CPNE5: variants seen among roughly 807,000 people sequenced by gnomAD.
The protein encoded by CPNE5 is copine-5.
Under a neutral mutation model 81.1 loss-of-function variants are expected in CPNE5, and 42 were observed. The ratio of observed to expected loss-of-function variants is 0.52; its 90% CI spans 0.40 to 0.67. The LOEUF is 0.67. Among genes scored for constraint, CPNE5 ranks in the 30% least tolerant of loss-of-function variants. The probability of loss-of-function intolerance (pLI) is 0.00; values close to 1 mark genes in which losing one functional copy is unlikely to be tolerated. For synonymous variants in CPNE5, 313 were observed against 321.5 expected, an observed-to-expected ratio of 0.97 and a Z score of 0.28; for missense variants, 612 against 815.5, an observed-to-expected ratio of 0.75 and a Z score of 3.04.
intron 1 of CPNE5, among the ~76,000 whole-genome samples, 181 bp from the exon 2 acceptor site, chr6:36,823,279 C>T (rs1392946059): frequency 6.6e-6 from 1 of 152,138 alleles, no homozygotes; most frequent in Non-Finnish European, 1.5e-5. Context: ...GGAGGTTCCT[C>T]AGCCCACCTG....
rs1038929695 is a variant in CPNE5 at position 36,788,343 on chromosome 6, A to T, written c.528+3690T>A. On this transcript the variant is annotated intron_variant, in intron 8 of 20. Coordinates refer to ENST00000244751, the MANE Select transcript of CPNE5 (RefSeq NM_020939.2). ...ATTATAGGCGTGAACCCCAACCTCC[A>T]CTGCTCAAAGCCACCCTGCCTGCTG... Among the ~76,000 whole-genome samples, 87 of 151,996 alleles carry T rather than the reference A, an allele frequency of 5.7e-4. 3 individuals carry two copies. The highest frequency in any genetic ancestry group is 2.9e-5 in the Non-Finnish European group (2 of 68,012).
In CPNE5 at chr6:36,762,650, C is replaced by T. The variant is rs373158502; in HGVS notation, c.855+267G>A. 2.6e-5 allele frequency among the ~76,000 whole-genome samples: 4 copies of T among 152,278 alleles called. No individual in the cohort carries two copies. The South Asian group carries it at 6.2e-4, about 24-fold the overall frequency. ...ATCTCTCTTGCTTGTGAGAACTGCT[C>T]TTTATGGGGACACTATAACTCGGTG... On this transcript the variant is annotated intron_variant, in intron 12 of 20. Coordinates refer to ENST00000244751, the MANE Select transcript of CPNE5 (RefSeq NM_020939.2).
intron 12 of CPNE5, among the ~76,000 whole-genome samples, chr6:36,759,119 C>T (rs552626220): frequency 6.6e-6 from 1 of 152,338 alleles, no homozygotes; most frequent in Admixed American, 6.5e-5. Context: ...GGAGAATGAA[C>T]CCGGAGTCCT....
chr6:36,788,464 G>A (rs988822241), intron 8 of CPNE5, among the ~76,000 whole-genome samples: 1 of 152,116 alleles, frequency 6.6e-6, no homozygotes, highest in African/African-American at 2.4e-5. Flanking sequence ...TGAGGATTAG[G>A]AGTTCCAAGG....
chr6:36,775,036 A>G lies in CPNE5; in HGVS notation c.662T>C (p.Met221Thr), dbSNP rs752078476. Residue 221 changes from methionine (M) to threonine (T), a missense_variant, in exon 10 of 21, where the codon ATG (methionine) becomes ACG (threonine). Physicochemically the swap from Met to Thr is moderately conservative, Grantham distance 81. Transcript: ENST00000244751. ...TFTICHKTEVMKNTLNPVWQT... is the reference protein window; with the variant it reads ...TFTICHKTEVTKNTLNPVWQT... The stretch of plus-strand genomic sequence containing the variant: ...CCAGACTGGATTTAGGGTGTTCTTC[A>G]TGACCTCGGTCTTGTGGCAAATGGT... The G allele has an allele frequency of 6.8e-6, 11 of 1,614,176 alleles. No homozygotes were observed. Among genetic ancestry groups the G allele is most frequent in the Middle Eastern group, 1.6e-4 (1 of 6,062 alleles).
In CPNE5 at chr6:36,839,182, C is replaced by G. The variant is rs376782891; in HGVS notation, c.95+101G>C. On this transcript the variant is annotated intron_variant, in intron 1 of 20. Transcript: ENST00000244751. The surrounding 1 kb of genome is among the most constrained non-coding windows in gnomAD (Gnocchi z 7.3). ...GCGCAGTCCTGGAGACCAGGACACT[C>G]TGGGAAGGGGGCGCGCGGAGGTTTA... is the stretch of plus-strand genomic sequence containing the variant. 1.2e-3 allele frequency: 1,062 copies of G among 858,946 alleles called. 7 individuals are homozygous for G. The highest frequency in any genetic ancestry group is 0.012 in the African/African-American group (671 of 57,868). 53.2% of individuals were successfully genotyped at this position (858,946 alleles called of 1,614,324 possible).
chr6:36,779,899 T>C (rs1377955986), intron 8 of CPNE5, among the ~76,000 whole-genome samples: 1 of 151,962 alleles, frequency 6.6e-6, no homozygotes, highest in African/African-American at 2.4e-5. Flanking sequence ...CTCAGGGCTC[T>C]GTCGTCCAGA....
intron 14 of CPNE5, among the ~76,000 whole-genome samples, chr6:36,751,279 C>T (rs1407511380): frequency 1.3e-5 from 2 of 152,226 alleles, no homozygotes; most frequent in Admixed American, 6.5e-5. Flanking sequence ...CCCTTTAACT[C>T]ATCAGTCTCC....
chr6:36,815,847 G>T (rs1208394891), intron 3 of CPNE5, among the ~76,000 whole-genome samples: 1 of 152,202 alleles, frequency 6.6e-6, no homozygotes, highest in African/African-American at 2.4e-5. Context: ...GGTGGCTGGG[G>T]CCAATGACTG....
intron 11 of CPNE5, 110 bp downstream of exon 11, chr6:36,765,225 C>T: frequency 8.3e-7 from 1 of 1,209,956 alleles, no homozygotes; most frequent in Non-Finnish European, 1.2e-6. Flanking sequence ...CCCTCACCCC[C>T]AGAGCCACTG....
At chr6:36,834,233 T>TGGGCAACA (rs142248958) in intron 1 of CPNE5, among the ~76,000 whole-genome samples, 23,721 of 105,084 alleles carry the variant, frequency 0.23, 3,093 homozygotes, top group East Asian at 0.37. Context: ...CATTCCAGCT[T>TGGGCAACA]GGGCAACAGA....
At position 36,779,023 on chromosome 6, in the gene CPNE5, G is replaced by A. The variant is rs972097506; in HGVS notation, c.529-66C>T. The A allele has an allele frequency of 5.0e-5, 56 of 1,124,990 alleles. No individual in the cohort carries two copies. The East Asian group carries it at 5.3e-4, about 11-fold the overall frequency. 69.7% of individuals were successfully genotyped at this position (1,124,990 alleles called of 1,614,324 possible). On this transcript the variant is annotated intron_variant, in intron 8 of 20. Transcript: ENST00000244751. ...AGTGGAAGCACAGCTCCCAGACCCC[G>A]GCAAGCATGAGGAGTCCAGGCACCA... is the stretch of plus-strand genomic sequence containing the variant.
intron 12 of CPNE5, among the ~76,000 whole-genome samples, chr6:36,758,073 C>T (rs1397375007): frequency 1.3e-5 from 2 of 152,118 alleles, no homozygotes; most frequent in African/African-American, 2.4e-5. Context: ...GGAGGAGGCT[C>T]ATCCAGGAAA....
At chr6:36,800,895 C>T (rs968611187) in intron 3 of CPNE5, among the ~76,000 whole-genome samples, 16 of 152,168 alleles carry the variant, frequency 1.1e-4, no homozygotes, top group East Asian at 5.8e-4. Context: ...TCTGCCCATC[C>T]GTAAGAATTG....
In CPNE5 at chr6:36,766,279, T is replaced by A. The variant is rs1323075861; in HGVS notation, c.738-903A>T. ...TTAACATCCCATCATCTCGCCCATC[T>A]CCTCGGGCCTGCCAGGAGTCAGCCT... On this transcript the variant is annotated intron_variant, in intron 10 of 20. Transcript: ENST00000244751. This position sits in a 1 kb window ranked among gnomAD's most constrained non-coding sequence, Gnocchi z 4.2. 1.3e-5 allele frequency among the ~76,000 whole-genome samples: 2 copies of A among 152,154 alleles called. No homozygotes were observed.
At chr6:36,831,362 A>AT (rs978536597) in intron 1 of CPNE5, among the ~76,000 whole-genome samples, 1 of 144,414 alleles carries the variant, frequency 6.9e-6, no homozygotes, top group African/African-American at 2.6e-5. Context: ...GACTCTTTTT[A>AT]TTTTTTATTT....
At chr6:36,808,738 C>T (rs925569003) in intron 3 of CPNE5, among the ~76,000 whole-genome samples, 1 of 152,192 alleles carries the variant, frequency 6.6e-6, no homozygotes, top group Non-Finnish European at 1.5e-5. Flanking sequence ...CCTCACAGAG[C>T]CCTACTGCGT....
intron 12 of CPNE5, among the ~76,000 whole-genome samples, chr6:36,762,304 G>GCACA (rs60481458): frequency 0.015 from 2,196 of 146,484 alleles, 40 homozygotes; most frequent in African/African-American, 0.046. Context: ...ACACATACAT[G>GCACA]CACACACACA....
At chr6:36,819,114 T>A (rs1771817123) in intron 3 of CPNE5, among the ~76,000 whole-genome samples, 1 of 152,250 alleles carries the variant, frequency 6.6e-6, no homozygotes, top group South Asian at 2.1e-4. Context: ...TTGTTTTTGT[T>A]TTTTCTGAGA....
Sources: allele counts gnomAD v4.1 joint callset (sites outside exome capture counted in the v4.1 genomes callset), GRCh38; gene constraint gnomAD v4.1.1; non-coding constraint Gnocchi (gnomAD v3.1); transcripts MANE v1.5; gene names NCBI Gene and HGNC (gene_info 2026-07-23, HGNC 2026-07-21).